ME3: variants seen among roughly 807,000 people sequenced by gnomAD.
The protein encoded by ME3 is malic enzyme 3.
Under a neutral mutation model 68.9 loss-of-function variants are expected in ME3, and 48 were observed. The ratio of observed to expected loss-of-function variants is 0.70; its 90% confidence interval spans 0.55 to 0.89. The LOEUF is 0.89. Among genes scored for constraint, ME3 ranks in the 40% least tolerant of loss-of-function variants. The pLI is 0.00. For missense variants in ME3, 675 were observed against 797.4 expected, an observed-to-expected ratio of 0.85 and a Z score of 1.85; for synonymous variants, 320 against 318.8, an observed-to-expected ratio of 1.00 and a Z score of -0.04.
downstream of ME3, among the ~76,000 whole-genome samples, chr11:86,440,158 C>T (rs973897752): frequency 6.6e-6 from 1 of 152,172 alleles, no homozygotes; most frequent in African/African-American, 2.4e-5. Flanking sequence ...GCTGAGGTAG[C>T]AGCAGGAGTA....
At chr11:86,443,444 T>C (rs1171578911) in intron 13 of ME3, among the ~76,000 whole-genome samples, 3 of 152,258 alleles carry the variant, frequency 2.0e-5, no homozygotes, top group East Asian at 1.9e-4. Context: ...ATAAATGTCC[T>C]AAGCACATCA....
intron 3 of ME3, 64 bp from the exon 4 acceptor site, chr11:86,556,766 T>G: frequency 2.6e-6 from 4 of 1,556,510 alleles, no homozygotes. Context: ...GCCTCTGTGG[T>G]GTGGTGCAAA....
At chr11:86,534,081 G>GTGTGTATATATATATATATATATA (rs1361825219) in intron 4 of ME3, among the ~76,000 whole-genome samples, 4 of 127,518 alleles carry the variant, frequency 3.1e-5, no homozygotes, top group African/African-American at 1.3e-4. Flanking sequence ...GTGTGTGTGT[G>GTGTGTATATATATATATATATATA]TATATATATA....
chr11:86,544,411 G>A (rs1486061928), intron 4 of ME3, among the ~76,000 whole-genome samples: 1 of 152,050 alleles, frequency 6.6e-6, no homozygotes, highest in Non-Finnish European at 1.5e-5. Flanking sequence ...CTGCTAGCCA[G>A]ACTAATAAAG....
Position 86,516,373 on chromosome 11 carries a change from G to C in ME3, c.468-7506C>G, listed in dbSNP as rs4122041. Among the ~76,000 whole-genome samples the C allele has an allele frequency of 2.2e-3, 258 of 118,532 alleles. 1 individual carries two copies. The highest frequency in any genetic ancestry group is 2.5e-3 in the Non-Finnish European group (146 of 58,318). 77.8% of individuals were successfully genotyped at this position (118,532 alleles called of 152,430 possible). On this transcript the variant is annotated intron_variant, in intron 4 of 14. Transcript: ENST00000543262. ...AAAATCTCTCTCTCTCTCTCTCTTTGTGTGTGTGTGTATATATATATATAT... is the reference window on the plus strand; with the variant it reads ...AAAATCTCTCTCTCTCTCTCTCTTTCTGTGTGTGTGTATATATATATATAT...
At chr11:86,462,564 A>G in intron 8 of ME3, 2 of 1,278,240 alleles carry the variant, frequency 1.6e-6, no homozygotes, top group Non-Finnish European at 2.0e-6. Context: ...AGACATACTC[A>G]CATGAACAGG....
intron 2 of ME3, among the ~76,000 whole-genome samples, chr11:86,574,230 C>T (rs766571925): frequency 3.0e-4 from 45 of 152,280 alleles, no homozygotes; most frequent in Non-Finnish European, 5.1e-4. Context: ...TCTCATTCTT[C>T]ATCCAGTTTT....
exon 15 of ME3, chr11:86,441,176 A>G (rs1948974307): frequency 1.7e-6 from 2 of 1,207,452 alleles, no homozygotes; most frequent in African/African-American, 1.5e-5. Context: ...TTTAAAAGAA[A>G]AAACACAGCG....
At chr11:86,603,653 T>C (rs1961109359) in intron 2 of ME3, among the ~76,000 whole-genome samples, 1 of 152,174 alleles carries the variant, frequency 6.6e-6, no homozygotes, top group East Asian at 1.9e-4. Context: ...TACATATGTT[T>C]ATTGCGGCAC....
chr11:86,462,114 A>G (rs1950251349), intron 8 of ME3, among the ~76,000 whole-genome samples: 1 of 152,230 alleles, frequency 6.6e-6, no homozygotes, highest in African/African-American at 2.4e-5. Context: ...GTATGAGCAC[A>G]TGTAGAGGTG....
chr11:86,605,071 G>A (rs1426467812), intron 2 of ME3, among the ~76,000 whole-genome samples: 1 of 152,066 alleles, frequency 6.6e-6, no homozygotes, highest in African/African-American at 2.4e-5. Flanking sequence ...TCACTATTCT[G>A]GATATTTCAT....
At chr11:86,452,342 C>T (rs539972348) in intron 8 of ME3, among the ~76,000 whole-genome samples, 9 of 152,274 alleles carry the variant, frequency 5.9e-5, no homozygotes, top group African/African-American at 1.9e-4. Context: ...TGTTGTGATT[C>T]ATCCTGATAA....
chr11:86,479,534 C>T (rs1047652607), intron 7 of ME3, among the ~76,000 whole-genome samples: 16 of 152,112 alleles, frequency 1.1e-4, no homozygotes, highest in African/African-American at 3.6e-4. Context: ...CATTGCCTTC[C>T]CTGTATATTC....
intron 2 of ME3, among the ~76,000 whole-genome samples, chr11:86,626,807 G>C (rs928755009): frequency 1.3e-5 from 2 of 152,152 alleles, no homozygotes; most frequent in Admixed American, 1.3e-4. Flanking sequence ...GCCAATCCCA[G>C]CTTAGAGTTT....
chr11:86,445,362 A>T (rs968191413), intron 13 of ME3, among the ~76,000 whole-genome samples: 2 of 152,240 alleles, frequency 1.3e-5, no homozygotes, highest in African/African-American at 4.8e-5. Flanking sequence ...GACCTGGTGC[A>T]TGAGGTAGCT....
At chr11:86,592,004 G>A (rs1046725238) in intron 2 of ME3, among the ~76,000 whole-genome samples, 1 of 152,100 alleles carries the variant, frequency 6.6e-6, no homozygotes, top group Admixed American at 6.6e-5. Context: ...TTTTGTTATG[G>A]GAGCCTGAGC....
chr11:86,605,663 T>G (rs1302892588), intron 2 of ME3, among the ~76,000 whole-genome samples: 1 of 152,206 alleles, frequency 6.6e-6, no homozygotes, highest in East Asian at 1.9e-4. Context: ...CATTAATCAT[T>G]GAAGTTTTTT....
chr11:86,490,142 G>A (rs1388981614), intron 6 of ME3, among the ~76,000 whole-genome samples: 1 of 152,184 alleles, frequency 6.6e-6, no homozygotes, highest in Non-Finnish European at 1.5e-5. Context: ...TTAGGTGTGG[G>A]GGAGGGTGTA....
intron 6 of ME3, among the ~76,000 whole-genome samples, chr11:86,488,512 G>C (rs1951821884): frequency 6.6e-6 from 1 of 152,156 alleles, no homozygotes; most frequent in Non-Finnish European, 1.5e-5. Flanking sequence ...GTTCAAGAGA[G>C]ATGCTCACCT....
Sources: allele counts gnomAD v4.1 joint callset (sites outside exome capture counted in the v4.1 genomes callset), GRCh38; gene constraint gnomAD v4.1.1; transcripts MANE v1.5; gene names NCBI Gene and HGNC (gene_info 2026-07-23, HGNC 2026-07-21).